SHC1: variants seen among roughly 807,000 people sequenced by gnomAD.
The protein encoded by SHC1 is SHC-transforming protein 1.
Under a neutral mutation model 55.9 loss-of-function variants are expected in SHC1, and 30 were observed. The ratio of observed to expected loss-of-function variants is 0.54; its 90% CI spans 0.40 to 0.73. The LOEUF is 0.73. SHC1 is among the 30% of genes least tolerant of loss of function. The pLI is 0.00. For missense variants in SHC1, 675 were observed against 777.1 expected (o/e 0.87, Z 1.56); for synonymous variants, 309 against 306.1 (o/e 1.01, Z -0.10).
At position 154,963,846 on chromosome 1, in the gene SHC1, C is replaced by G. The variant is rs1213184426; in HGVS notation, c.1712G>C (p.Gly571Ala). The G allele has an allele frequency of 1.9e-6, 3 of 1,614,188 alleles. No homozygotes were observed. The highest frequency in any genetic ancestry group is 1.7e-6 in the Non-Finnish European group (2 of 1,180,022). Residue 571 changes from glycine to alanine, a missense_variant, in exon 12 of 12, where the codon GGC becomes GCC. Gly to Ala is a moderately conservative substitution (Grantham distance 60, BLOSUM62 0). Around this residue, in one of 3 missense-constraint regions of SHC1, gnomAD observed 360 missense variants for 371.1 expected, o/e 0.97. Coordinates refer to ENST00000448116, the MANE Select transcript of SHC1 (RefSeq NM_001130040.2). ...MDNHLPIISA[G>A]SELCLQQPVE... ...AGGTTGCTGTAGACACAGTTCGCTG[C>G]CCGCAGAGATGATGGGCAAGTGATT... is the stretch of plus-strand genomic sequence containing the variant.
chr1:154,964,617 A>G (rs907859173), intron 11 of SHC1, among the ~76,000 whole-genome samples: 2 of 151,888 alleles, frequency 1.3e-5, no homozygotes, highest in Non-Finnish European at 2.9e-5. Context: ...CTGGGTAGGT[A>G]GGACTACAGG....
rs777260083 is a variant in SHC1, at chr1:154,967,701, T to C, written c.953A>G (p.Asn318Ser). ...FELRFKQYLRNPPKLVTPHDR... is the reference protein window; with the variant it reads ...FELRFKQYLRSPPKLVTPHDR... The stretch of plus-strand genomic sequence containing the variant: ...ATGAGGGGTGACCAGTTTGGGTGGG[T>C]TCCTGAGGTATTGTTTGAAGCGCAA... Residue 318 changes from asparagine (N) to serine (S), a missense_variant, in exon 7 of 12, where the codon AAC becomes AGC. Asn to Ser is a conservative substitution (Grantham distance 46). Coordinates refer to ENST00000448116, the MANE Select transcript of SHC1 (RefSeq NM_001130040.2). 6 of 1,613,592 alleles carry C rather than the reference T, an allele frequency of 3.7e-6. No individual in the cohort carries two copies. The highest frequency in any genetic ancestry group is 5.1e-6 in the Non-Finnish European group (6 of 1,179,842).
At chr1:154,967,490 C>A (rs552393474) in intron 7 of SHC1, among the ~76,000 whole-genome samples, 181 bp downstream of exon 7, 1 of 152,166 alleles carries the variant, frequency 6.6e-6, no homozygotes, top group African/African-American at 2.4e-5. Context: ...GGTCCTGCGG[C>A]AAGCAGGGCC....
At chr1:154,967,526 A>G (rs1189039045) in intron 7 of SHC1, 145 bp downstream of exon 7, 2 of 858,652 alleles carry the variant, frequency 2.3e-6, no homozygotes, top group African/African-American at 1.7e-5. Context: ...CCTGGGCCAC[A>G]GGAAACAGAA....
At position 154,963,866 on chromosome 1, in the gene SHC1, G is replaced by T. The variant is rs1442889176; in HGVS notation, c.1692C>A (p.His564Gln). The T allele has an allele frequency of 6.2e-7, 1 of 1,613,732 alleles. No homozygotes were observed. The highest frequency in any genetic ancestry group is 2.2e-5 in the East Asian group (1 of 44,884). ...SHLISYHMDNHLPIISAGSEL... is the reference protein window; with the variant it reads ...SHLISYHMDNQLPIISAGSEL... ...CGCTGCCCGCAGAGATGATGGGCAAGTGATTGTCCATGTGGTAGCTGATAA... is the reference window on the plus strand; with the variant it reads ...CGCTGCCCGCAGAGATGATGGGCAATTGATTGTCCATGTGGTAGCTGATAA... The change falls in exon 12 of 12, where the codon CAC becomes CAA. Residue 564 changes from histidine (H) to glutamine (Q), a missense_variant. Physicochemically the swap from His to Gln is conservative, Grantham distance 24 (BLOSUM62 0). Transcript: ENST00000448116.
At chr1:154,968,872 G>T in intron 2 of SHC1, 38 bp from the exon 3 acceptor site, 2 of 1,587,124 alleles carry the variant, frequency 1.3e-6, no homozygotes, top group Non-Finnish European at 1.7e-6. Flanking sequence ...GCGCCTGCCT[G>T]CCTGCCTCCC....
chr1:154,964,311 G>A (rs376234812), intron 11 of SHC1: 28 of 469,908 alleles, frequency 6.0e-5, no homozygotes, highest in South Asian at 2.2e-4. Context: ...CGAGGGAGGC[G>A]GATCACTTGA....
At chr1:154,971,644 GC>G (rs910929775), upstream of SHC1, among the ~76,000 whole-genome samples, 8 of 152,158 alleles carry the variant, frequency 5.3e-5, no homozygotes, top group African/African-American at 1.9e-4. Flanking sequence ...AGGGCCCTAA[GC>G]CCCACCAAAG....
intron 11 of SHC1, chr1:154,964,199 TG>T (rs780939582): frequency 9.5e-5 from 53 of 555,034 alleles, no homozygotes; most frequent in Non-Finnish European, 1.7e-4. Flanking sequence ...TTTCTTGACC[TG>T]GAGGAAGTTG....
chr1:154,965,302 G>A (rs1240962600), intron 11 of SHC1: 86 of 1,308,556 alleles, frequency 6.6e-5, no homozygotes, highest in Non-Finnish European at 8.0e-5. Flanking sequence ...CTCCCAAAGC[G>A]CTGGGATTAC....
upstream of SHC1, among the ~76,000 whole-genome samples, chr1:154,972,864 C>T (rs1427918449): frequency 2.0e-5 from 3 of 151,638 alleles, no homozygotes; most frequent in African/African-American, 4.9e-5. Context: ...GACAAGAACT[C>T]TGGTTAGGGG....
rs746556543 is a variant in SHC1, at chr1:154,966,413, A to AC, written c.1087dup (p.Val363GlyfsTer62). On this transcript the variant is annotated frameshift_variant, in exon 8 of 12. Coordinates refer to ENST00000448116, the MANE Select transcript of SHC1 (RefSeq NM_001130040.2). LOFTEE classifies it high-confidence loss of function. ...TCCTTCCCGAAGCCTCATGTCTACC[A>AC]CCCCCCCCAAGGGGGGTTCCTTCCC... The AC allele has an allele frequency of 1.1e-4, 184 of 1,603,482 alleles. No individual in the cohort carries two copies. Among genetic ancestry groups the AC allele is most frequent in the Middle Eastern group, 1.7e-4 (1 of 6,034 alleles).
upstream of SHC1, chr1:154,973,264 AC>A: frequency 6.6e-6 from 1 of 152,278 alleles, no homozygotes; most frequent in South Asian, 2.1e-4. Context: ...TAATCCTAAC[AC>A]TTAAGGAGGC....
chr1:154,973,725 T>C (rs908328412), upstream of SHC1, among the ~76,000 whole-genome samples: 1 of 152,036 alleles, frequency 6.6e-6, no homozygotes, highest in Admixed American at 6.6e-5. Flanking sequence ...TTTCAGCTGA[T>C]GACCCAGGTC....
At chr1:154,972,131 C>G (rs757741268), upstream of SHC1, among the ~76,000 whole-genome samples, 1 of 151,582 alleles carries the variant, frequency 6.6e-6, no homozygotes, top group Non-Finnish European at 1.5e-5. Flanking sequence ...ACCTGTAATC[C>G]CAGCTCAGGA....
At chr1:154,971,965 C>T (rs973971525), upstream of SHC1, among the ~76,000 whole-genome samples, 1 of 152,010 alleles carries the variant, frequency 6.6e-6, no homozygotes, top group Non-Finnish European at 1.5e-5. Context: ...ATACGTATTC[C>T]TACCGGGCGC....
chr1:154,965,823 A>G, intron 10 of SHC1, 42 bp from the exon 11 acceptor site: 1 of 1,585,884 alleles, frequency 6.3e-7, no homozygotes. Context: ...AGCAGGCACA[A>G]CACACACCCA....
chr1:154,968,013 C>T lies in SHC1; in HGVS notation c.823G>A (p.Ala275Thr). 2 of 1,614,104 alleles carry T rather than the reference C, an allele frequency of 1.2e-6. No homozygotes were observed. Among genetic ancestry groups the T allele is most frequent in the Non-Finnish European group, 1.7e-6 (2 of 1,179,994 alleles). The stretch of plus-strand genomic sequence containing the variant: ...TTCACAGGGTCTTTGGCAACATAGG[C>T]GACATACTCGGCTGTGTCCTGGGGA... ...GGDPDTAEYVAYVAKDPVNQR... is the reference protein window; with the variant it reads ...GGDPDTAEYVTYVAKDPVNQR... Residue 275 changes from alanine to threonine, a missense_variant, in exon 6 of 12, where the codon GCC becomes ACC. Physicochemically the swap from Ala to Thr is moderately conservative, Grantham distance 58. Around this residue, in one of 3 missense-constraint regions of SHC1, gnomAD observed 159 missense variants for 246.9 expected, o/e 0.64. Coordinates refer to ENST00000448116, the MANE Select transcript of SHC1 (RefSeq NM_001130040.2).
At position 154,965,744 on chromosome 1, in the gene SHC1, G is replaced by A. The variant is rs762102439; in HGVS notation, c.1425C>T (p.Pro475=). The change falls in exon 11 of 12, where the codon CCC becomes CCT. Residue 475 remains proline (P), a synonymous_variant. Transcript: ENST00000448116. ...FEDALRVPPP[P]QSVSMAEQLR... is the part of the protein sequence containing the mutation. ...GCTGCTCAGCCATGGACACCGACTG[G>A]GGAGGTGGAGGCACGCGAAGAGCAT... The A allele has an allele frequency of 6.2e-7, 1 of 1,614,022 alleles. No homozygotes were observed.
Sources: gnomAD v4.1 joint callset for allele counts (sites outside exome capture counted in the v4.1 genomes callset) on GRCh38, gnomAD v4.1.1 for gene constraint, gnomAD v4.1.1 regional missense constraint, MANE v1.5 for transcripts, NCBI Gene and HGNC (gene_info 2026-07-23, HGNC 2026-07-21) for gene names.